The following PCDH15 variants were observed in gnomAD, a reference collection of about 807,000 sequenced individuals.
PCDH15 encodes the protein protocadherin-15.
In PCDH15, 129 loss-of-function variants were observed where a neutral mutation model predicts 178.5. That is an observed-to-expected ratio of 0.72 (90% CI 0.63 to 0.84). The LOEUF is 0.84. Ranked by LOEUF, PCDH15 falls within the 40% of genes least tolerant of loss-of-function variation. The pLI, the probability that PCDH15 is intolerant of heterozygous loss-of-function variation, is 0.00. For synonymous variants in PCDH15, 800 were observed against 732.0 expected, an observed-to-expected ratio of 1.09 and a Z score of -1.50; for missense variants, 2,230 against 2,099.9, an observed-to-expected ratio of 1.06 and a Z score of -1.21.
chr10:54,072,394 G>A (rs1287368154), intron 17 of PCDH15, among the ~76,000 whole-genome samples: 4 of 152,160 alleles, frequency 2.6e-5, no homozygotes, highest in Admixed American at 1.3e-4. Flanking sequence ...TCATGATGTA[G>A]AGTGGAGGTC....
chr10:54,263,688 A>T (rs991184688), intron 8 of PCDH15, among the ~76,000 whole-genome samples: 3 of 152,210 alleles, frequency 2.0e-5, no homozygotes, highest in Non-Finnish European at 4.4e-5. Flanking sequence ...AATGAAGCCA[A>T]TGAATCACAT....
chr10:55,244,054 C>T (rs1164156490), intron 1 of PCDH15, among the ~76,000 whole-genome samples: 1 of 151,926 alleles, frequency 6.6e-6, no homozygotes, highest in Non-Finnish European at 1.5e-5. Context: ...GTCAATTAAA[C>T]ATCTTCAAAA....
At chr10:53,970,665 A>G (rs2089583056) in intron 21 of PCDH15, among the ~76,000 whole-genome samples, 1 of 152,298 alleles carries the variant, frequency 6.6e-6, no homozygotes, top group Admixed American at 6.5e-5. Flanking sequence ...AAACACCTCT[A>G]TGCAAATAAG....
chr10:55,080,304 CAT>C (rs1842004555), intron 2 of PCDH15, among the ~76,000 whole-genome samples: 1 of 152,152 alleles, frequency 6.6e-6, no homozygotes, highest in Admixed American at 6.5e-5. Flanking sequence ...ATTAGATTCT[CAT>C]AGGAGTGCAA....
At chr10:54,074,637 G>A (rs1012581457) in intron 17 of PCDH15, among the ~76,000 whole-genome samples, 95 of 152,222 alleles carry the variant, frequency 6.2e-4, no homozygotes, top group African/African-American at 2.1e-3. Context: ...TAGCTATTGT[G>A]AATAATGCTG....
chr10:55,118,394 T>G (rs937927051), intron 2 of PCDH15, among the ~76,000 whole-genome samples: 1 of 152,136 alleles, frequency 6.6e-6, no homozygotes, highest in African/African-American at 2.4e-5. Context: ...GGCGTACCAT[T>G]TTTGGTGCAT....
chr10:54,816,717 G>A (rs1952955266), intron 3 of PCDH15, among the ~76,000 whole-genome samples: 1 of 152,022 alleles, frequency 6.6e-6, no homozygotes, highest in African/African-American at 2.4e-5. Context: ...TAGCAGACCT[G>A]CTGTAGGCCC....
intron 2 of PCDH15, among the ~76,000 whole-genome samples, chr10:55,390,931 A>G (rs1837777740): frequency 6.6e-6 from 1 of 152,172 alleles, no homozygotes; most frequent in Non-Finnish European, 1.5e-5. Context: ...TCTAACATTA[A>G]GACTTAAGGA....
intron 8 of PCDH15, among the ~76,000 whole-genome samples, chr10:54,248,092 A>C (rs1417434097): frequency 6.6e-6 from 1 of 151,572 alleles, no homozygotes; most frequent in Non-Finnish European, 1.5e-5. Context: ...TAGGGAGAAA[A>C]AAATTTTCAT....
chr10:55,197,483 C>T (rs1840125485), intron 1 of PCDH15, among the ~76,000 whole-genome samples: 1 of 152,004 alleles, frequency 6.6e-6, no homozygotes, highest in Admixed American at 6.6e-5. Context: ...TGTCGATAGA[C>T]TTGGACTTCA....
intron 2 of PCDH15, among the ~76,000 whole-genome samples, chr10:55,086,798 T>C (rs1473216264): frequency 1.3e-5 from 2 of 151,994 alleles, no homozygotes; most frequent in South Asian, 2.1e-4. Context: ...ATATTATAAA[T>C]AAGTAAAAGT....
intron 2 of PCDH15, among the ~76,000 whole-genome samples, chr10:55,417,885 G>T (rs1309488616): frequency 6.6e-6 from 1 of 150,644 alleles, no homozygotes; most frequent in Non-Finnish European, 1.5e-5. Context: ...TTTTTAACAA[G>T]AAATAATTTT....
intron 5 of PCDH15, among the ~76,000 whole-genome samples, chr10:54,360,391 A>T (rs1264681978): frequency 6.6e-6 from 1 of 152,024 alleles, no homozygotes; most frequent in East Asian, 1.9e-4. Flanking sequence ...CACCTGATTA[A>T]ATCCTTCTTT....
chr10:54,870,535 T>C (rs965876601), intron 3 of PCDH15, among the ~76,000 whole-genome samples: 9 of 152,010 alleles, frequency 5.9e-5, no homozygotes, highest in African/African-American at 2.2e-4. Flanking sequence ...CCTGTAATCC[T>C]AGCACTTCAG....
intron 1 of PCDH15, among the ~76,000 whole-genome samples, chr10:55,265,234 G>C (rs530396429): frequency 6.6e-6 from 1 of 151,564 alleles, no homozygotes; most frequent in Non-Finnish European, 1.5e-5. Flanking sequence ...AATCAAGGGG[G>C]ATCTTGGTAA....
At chr10:54,944,090 C>T (rs1838129961) in intron 2 of PCDH15, among the ~76,000 whole-genome samples, 1 of 151,822 alleles carries the variant, frequency 6.6e-6, no homozygotes, top group Admixed American at 6.6e-5. Flanking sequence ...AAGCATGGAC[C>T]AAAAGGAGTA....
intron 20 of PCDH15, among the ~76,000 whole-genome samples, chr10:54,008,669 A>G (rs1212820675): frequency 2.1e-4 from 32 of 152,208 alleles, no homozygotes; most frequent in Non-Finnish European, 7.3e-5. Flanking sequence ...CCATTTGAGG[A>G]TCTATTTTTC....
Position 54,590,448 on chromosome 10 carries a change from G to A in PCDH15, c.92-62571C>T, listed in dbSNP as rs188187008. 6.0e-4 allele frequency among the ~76,000 whole-genome samples: 91 copies of A among 152,118 alleles called. 3 individuals are homozygous for A. The highest frequency in any genetic ancestry group is 5.6e-3 in the Admixed American group (85 of 15,252). On this transcript the variant is annotated intron_variant, in intron 2 of 37. Transcript: ENST00000644397. Reference sequence around the variant, plus strand: ...TTTCTGCGTTCCATCATTTATTAGCGCCAATATATAAATGGTTATTTAGAA... The same window carrying A: ...TTTCTGCGTTCCATCATTTATTAGCACCAATATATAAATGGTTATTTAGAA...
intron 2 of PCDH15, among the ~76,000 whole-genome samples, chr10:54,937,464 A>G (rs1053673054): frequency 3.3e-5 from 5 of 151,896 alleles, no homozygotes; most frequent in African/African-American, 1.2e-4. Context: ...ATTTTTTCCC[A>G]TTTATTTATA....
Sources: gnomAD v4.1 joint callset for allele counts (sites outside exome capture counted in the v4.1 genomes callset) on GRCh38, gnomAD v4.1.1 for gene constraint, MANE v1.5 for transcripts, NCBI Gene and HGNC (gene_info 2026-07-23, HGNC 2026-07-21) for gene names.